COP1: variants seen among roughly 807,000 people sequenced by gnomAD.
COP1 encodes the protein COP1 E3 ubiquitin ligase, also known as E3 ubiquitin-protein ligase COP1.
In COP1, 24 loss-of-function variants were observed where a neutral mutation model predicts 101.3. The observed-to-expected ratio is 0.24, with a 90% confidence interval of 0.17 to 0.33. The LOEUF (loss-of-function observed/expected upper bound fraction) is 0.33, where lower values mean the gene tolerates loss of function less well. COP1 is among the 10% of genes least tolerant of loss of function. The pLI is 1.00. For synonymous variants in COP1, 347 were observed against 341.9 expected (o/e 1.01, Z -0.17); for missense variants, 663 against 906.2 (o/e 0.73, Z 3.45).
intron 6 of COP1, among the ~76,000 whole-genome samples, chr1:176,144,976 C>T: frequency 6.6e-6 from 1 of 151,948 alleles, no homozygotes; most frequent in East Asian, 1.9e-4. Flanking sequence ...TTAAGTGACA[C>T]AAAACACACT....
intron 11 of COP1, among the ~76,000 whole-genome samples, chr1:176,073,751 G>A (rs754061123): frequency 8.5e-5 from 13 of 152,226 alleles, no homozygotes; most frequent in South Asian, 2.1e-4. Context: ...GGACTGAAGG[G>A]TATGGTCTTA....
intron 18 of COP1, among the ~76,000 whole-genome samples, chr1:175,977,369 A>T (rs1257462731): frequency 6.6e-6 from 1 of 152,160 alleles, no homozygotes; most frequent in African/African-American, 2.4e-5. Context: ...AAAAAGACTA[A>T]TGCAAACAGG....
chr1:176,048,587 A>C (rs1341053098), intron 11 of COP1, among the ~76,000 whole-genome samples: 1 of 152,214 alleles, frequency 6.6e-6, no homozygotes, highest in East Asian at 1.9e-4. Context: ...AAGGAGAAAT[A>C]CTACTTTATC....
chr1:176,073,530 A>T (rs1026961258), intron 11 of COP1, among the ~76,000 whole-genome samples: 21 of 152,228 alleles, frequency 1.4e-4, no homozygotes, highest in African/African-American at 4.6e-4. Context: ...GACACTGAAC[A>T]CCTAATAGAA....
intron 14 of COP1, among the ~76,000 whole-genome samples, chr1:176,037,615 T>C (rs1669798720): frequency 6.6e-6 from 1 of 152,102 alleles, no homozygotes; most frequent in South Asian, 2.1e-4. Flanking sequence ...AATACATTCA[T>C]GTTTATCCTG....
At chr1:176,051,992 G>C (rs1672653997) in intron 11 of COP1, among the ~76,000 whole-genome samples, 1 of 152,064 alleles carries the variant, frequency 6.6e-6, no homozygotes, top group Non-Finnish European at 1.5e-5. Context: ...AAAAAATTTA[G>C]ATAAATTTAG....
At chr1:176,033,905 T>TTTGTG (rs1321756544) in intron 14 of COP1, among the ~76,000 whole-genome samples, 1 of 152,176 alleles carries the variant, frequency 6.6e-6, no homozygotes, top group African/African-American at 2.4e-5. Context: ...ATTCTCTAAC[T>TTTGTG]ATAAAGTTAT....
chr1:176,164,398 T>A (rs912342796), intron 3 of COP1, among the ~76,000 whole-genome samples: 2 of 152,226 alleles, frequency 1.3e-5, no homozygotes, highest in Non-Finnish European at 1.5e-5. Flanking sequence ...CAGACTGCCA[T>A]ATAACTTTCA....
intron 1 of COP1, among the ~76,000 whole-genome samples, chr1:176,186,086 C>A (rs193058526): frequency 1.3e-5 from 2 of 152,032 alleles, no homozygotes; most frequent in East Asian, 3.9e-4. Context: ...CAAAGGGACC[C>A]ATAGTAAAGA....
chr1:175,971,236 T>G (rs1289740679), intron 18 of COP1, among the ~76,000 whole-genome samples: 1 of 152,214 alleles, frequency 6.6e-6, no homozygotes, highest in Non-Finnish European at 1.5e-5. Context: ...ACTTTTTTTT[T>G]GTTGTACAGA....
chr1:176,121,217 A>C (rs1687064892), intron 8 of COP1, among the ~76,000 whole-genome samples: 1 of 151,864 alleles, frequency 6.6e-6, no homozygotes, highest in South Asian at 2.1e-4. Context: ...GAAAATACTA[A>C]ATTTTTAATA....
intron 5 of COP1, among the ~76,000 whole-genome samples, 179 bp downstream of exon 5, chr1:176,162,690 T>C (rs1004031933): frequency 4.6e-5 from 7 of 152,210 alleles, no homozygotes; most frequent in African/African-American, 1.7e-4. Flanking sequence ...TGTATTGAAA[T>C]TGTTCTTTAA....
chr1:176,188,890 C>T (rs1295813889), intron 1 of COP1, among the ~76,000 whole-genome samples: 1 of 151,604 alleles, frequency 6.6e-6, no homozygotes, highest in Non-Finnish European at 1.5e-5. Context: ...AGAGTTGTGA[C>T]ATATGTGAAA....
At chr1:176,115,550 C>A (rs775377210) in intron 9 of COP1, among the ~76,000 whole-genome samples, 40 of 152,022 alleles carry the variant, frequency 2.6e-4, no homozygotes, top group Admixed American at 7.9e-4. Context: ...AGATGGAGAC[C>A]TTCCTGGCTA....
chr1:176,107,219 A>G (rs1360422035), intron 9 of COP1, among the ~76,000 whole-genome samples: 4 of 152,206 alleles, frequency 2.6e-5, no homozygotes, highest in Non-Finnish European at 2.9e-5. Context: ...ATTAATACAT[A>G]TGAATACATA....
At chr1:176,187,941 G>A (rs554933875) in intron 1 of COP1, among the ~76,000 whole-genome samples, 101 of 152,200 alleles carry the variant, frequency 6.6e-4, no homozygotes, top group African/African-American at 2.3e-3. Flanking sequence ...TTTAGGTCAT[G>A]AGGGCAGAAC....
chr1:176,065,634 A>G (rs1445324922), intron 11 of COP1, among the ~76,000 whole-genome samples: 1 of 152,048 alleles, frequency 6.6e-6, no homozygotes, highest in Non-Finnish European at 1.5e-5. Flanking sequence ...TTTGCCTGAA[A>G]GCAGAACATA....
At chr1:176,186,523 G>A (rs1320734629) in intron 1 of COP1, among the ~76,000 whole-genome samples, 1 of 151,954 alleles carries the variant, frequency 6.6e-6, no homozygotes, top group Admixed American at 6.6e-5. Context: ...CCAGGTGACA[G>A]AGCAAGACCC....
intron 15 of COP1, among the ~76,000 whole-genome samples, chr1:176,001,655 C>T (rs1438695273): frequency 6.6e-6 from 1 of 152,054 alleles, no homozygotes; most frequent in African/African-American, 2.4e-5. Flanking sequence ...TTCATCTAAA[C>T]TATCTTTTTA....
Sources: allele counts gnomAD v4.1 joint callset (sites outside exome capture counted in the v4.1 genomes callset), GRCh38; gene constraint gnomAD v4.1.1; transcripts MANE v1.5; gene names NCBI Gene and HGNC (gene_info 2026-07-23, HGNC 2026-07-21).